The following AKT3 variants were observed in gnomAD, a reference collection of about 807,000 sequenced individuals.
The protein encoded by AKT3 is AKT serine/threonine kinase 3, also known as RAC-gamma serine/threonine-protein kinase.
Under a neutral mutation model 65.3 loss-of-function variants are expected in AKT3, and 15 were observed. That is an observed-to-expected ratio of 0.23 (90% CI 0.15 to 0.35). The LOEUF is 0.35. Ranked by LOEUF, AKT3 falls within the 10% of genes least tolerant of loss-of-function variation. AKT3 has a pLI of 1.00. For missense variants in AKT3, 243 were observed against 576.5 expected (o/e 0.42, Z 5.92); for synonymous variants, 206 against 183.8 (o/e 1.12, Z -0.98).
chr1:243,709,017 T>C (rs1236993636), intron 2 of AKT3, among the ~76,000 whole-genome samples: 1 of 151,928 alleles, frequency 6.6e-6, no homozygotes, highest in Non-Finnish European at 1.5e-5. Context: ...TCTAAGTCAA[T>C]CAATGTACAC....
chr1:243,515,375 T>G (rs892642038), intron 12 of AKT3, among the ~76,000 whole-genome samples: 3 of 151,334 alleles, frequency 2.0e-5, no homozygotes, highest in East Asian at 1.9e-4. Flanking sequence ...CAAATTGTTT[T>G]CCTTTACCAT....
chr1:243,672,087 G>A (rs546051488), intron 3 of AKT3, among the ~76,000 whole-genome samples: 2 of 152,300 alleles, frequency 1.3e-5, no homozygotes, highest in South Asian at 4.1e-4. Context: ...GTGTTTGAGC[G>A]GGAGAGGGCT....
At chr1:243,533,198 A>C (rs1190071503) in intron 12 of AKT3, among the ~76,000 whole-genome samples, 2 of 152,348 alleles carry the variant, frequency 1.3e-5, no homozygotes, top group East Asian at 3.9e-4. Flanking sequence ...AATAATGAAG[A>C]GGTAAAACTA....
At chr1:243,771,550 C>T (rs948024102) in intron 2 of AKT3, among the ~76,000 whole-genome samples, 1 of 152,112 alleles carries the variant, frequency 6.6e-6, no homozygotes, top group African/African-American at 2.4e-5. Flanking sequence ...TACTTACTTG[C>T]TCTAAGTACA....
chr1:243,646,789 C>G (rs934839148), intron 4 of AKT3, among the ~76,000 whole-genome samples: 4 of 152,178 alleles, frequency 2.6e-5, no homozygotes, highest in East Asian at 1.9e-4. Context: ...GAAAGGTTTT[C>G]AAAGCCAAAA....
chr1:243,815,887 G>A (rs1693491706), intron 2 of AKT3, among the ~76,000 whole-genome samples: 1 of 151,942 alleles, frequency 6.6e-6, no homozygotes, highest in Non-Finnish European at 1.5e-5. Flanking sequence ...AAAGTGCTGG[G>A]ATTACAGCTG....
At chr1:243,819,808 G>A (rs1693747566) in intron 2 of AKT3, among the ~76,000 whole-genome samples, 1 of 152,212 alleles carries the variant, frequency 6.6e-6, no homozygotes, top group South Asian at 2.1e-4. Flanking sequence ...AGCCATCTTT[G>A]CTGTTCTGCA....
intron 3 of AKT3, among the ~76,000 whole-genome samples, chr1:243,680,580 A>G (rs1683840316): frequency 6.6e-6 from 1 of 152,154 alleles, no homozygotes; most frequent in Non-Finnish European, 1.5e-5. Context: ...CTCAAAGTAT[A>G]ATAAACGCTT....
intron 13 of AKT3, among the ~76,000 whole-genome samples, chr1:243,494,104 A>AT (rs1667231262): frequency 6.6e-6 from 1 of 152,242 alleles, no homozygotes; most frequent in South Asian, 2.1e-4. Context: ...TGGCGCTTGA[A>AT]TAGAACAGCA....
At chr1:243,582,719 A>C (rs1278867156) in intron 8 of AKT3, among the ~76,000 whole-genome samples, 1 of 152,198 alleles carries the variant, frequency 6.6e-6, no homozygotes, top group Non-Finnish European at 1.5e-5. Context: ...TAAGGCAACC[A>C]GCTAATAACT....
intron 1 of AKT3, among the ~76,000 whole-genome samples, chr1:243,849,387 C>G (rs1161611274): frequency 9.9e-5 from 1 of 10,082 alleles, no homozygotes; most frequent in Non-Finnish European, 4.4e-4. Context: ...CACACACACA[C>G]CCCCCCCCCC....
chr1:243,535,596 G>C (rs1671870944), intron 12 of AKT3, among the ~76,000 whole-genome samples: 1 of 152,142 alleles, frequency 6.6e-6, no homozygotes, highest in Non-Finnish European at 1.5e-5. Context: ...GTGTCTGTGT[G>C]CACATCCCAT....
intron 11 of AKT3, among the ~76,000 whole-genome samples, chr1:243,551,151 TG>T (rs1266992183): frequency 6.6e-6 from 1 of 151,976 alleles, no homozygotes; most frequent in Non-Finnish European, 1.5e-5. Context: ...CCAAGAAACT[TG>T]ACTTCTACTC....
chr1:243,643,147 A>G (rs942452376), intron 5 of AKT3, among the ~76,000 whole-genome samples: 1 of 152,202 alleles, frequency 6.6e-6, no homozygotes, highest in African/African-American at 2.4e-5. Flanking sequence ...TGAGATCATG[A>G]GATTTCAGCA....
chr1:243,630,839 T>C (rs1386725369), intron 6 of AKT3, among the ~76,000 whole-genome samples: 1 of 152,156 alleles, frequency 6.6e-6, no homozygotes, highest in Admixed American at 6.5e-5. Flanking sequence ...GTGTTTCCAA[T>C]GGTGTAAGTA....
At chr1:243,555,824 A>C (rs1419331135) in intron 10 of AKT3, among the ~76,000 whole-genome samples, 1 of 152,188 alleles carries the variant, frequency 6.6e-6, no homozygotes, top group Non-Finnish European at 1.5e-5. Flanking sequence ...ATTTATCTTG[A>C]AGAAATAACT....
chr1:243,657,920 T>C (rs1235040733), intron 4 of AKT3, among the ~76,000 whole-genome samples: 2 of 152,030 alleles, frequency 1.3e-5, no homozygotes, highest in Admixed American at 1.3e-4. Flanking sequence ...AAACTGGGTA[T>C]CAACATGCAA....
chr1:243,782,264 T>C (rs1018002239), intron 2 of AKT3, among the ~76,000 whole-genome samples: 4 of 152,138 alleles, frequency 2.6e-5, no homozygotes, highest in Admixed American at 1.3e-4. Context: ...CAGGAAAACA[T>C]CTTAAGTCTG....
intron 6 of AKT3, among the ~76,000 whole-genome samples, chr1:243,628,770 C>T (rs1679375457): frequency 6.6e-6 from 1 of 152,232 alleles, no homozygotes; most frequent in Non-Finnish European, 1.5e-5. Flanking sequence ...AGCCAGCATC[C>T]TGTTTGGAAG....
Sources: allele counts gnomAD v4.1 joint callset (sites outside exome capture counted in the v4.1 genomes callset), GRCh38; gene constraint gnomAD v4.1.1; transcripts MANE v1.5; gene names NCBI Gene and HGNC (gene_info 2026-07-23, HGNC 2026-07-21).